Variants in SSH2 observed in about 807,000 individuals in gnomAD.
SSH2 encodes protein phosphatase Slingshot homolog 2.
Under a neutral mutation model 135.2 loss-of-function variants are expected in SSH2, and 37 were observed. That is an observed-to-expected ratio of 0.27 (90% CI 0.21 to 0.36). The LOEUF (loss-of-function observed/expected upper bound fraction) is 0.36, where lower values mean the gene tolerates loss of function less well. Among genes scored for constraint, SSH2 ranks in the 10% least tolerant of loss-of-function variants. The probability of loss-of-function intolerance (pLI) is 1.00; values close to 1 mark genes in which losing one functional copy is unlikely to be tolerated. For missense variants in SSH2, 1,408 were observed against 1,765.3 expected (o/e 0.80, Z 3.63); for synonymous variants, 628 against 646.2 (o/e 0.97, Z 0.43).
intron 3 of SSH2, among the ~76,000 whole-genome samples, chr17:29,704,704 T>TA (rs773267123): frequency 0.02 from 1,960 of 98,072 alleles, 33 homozygotes; most frequent in African/African-American, 0.044. Flanking sequence ...CTCTGTCTCT[T>TA]AAAAAAAAAA....
intron 4 of SSH2, among the ~76,000 whole-genome samples, chr17:29,701,031 C>T (rs914203544): frequency 4.0e-5 from 6 of 150,756 alleles, no homozygotes; most frequent in Non-Finnish European, 5.9e-5. Flanking sequence ...AGTGCAGTGG[C>T]GTGATCTCAG....
chr17:29,813,236 A>G (rs1057002590), intron 2 of SSH2, among the ~76,000 whole-genome samples: 11 of 151,772 alleles, frequency 7.2e-5, no homozygotes, highest in African/African-American at 2.7e-4. Context: ...TACAAAAATT[A>G]GCCGGGCGCA....
chr17:29,801,480 GA>G (rs2042250157), intron 2 of SSH2, among the ~76,000 whole-genome samples: 1 of 152,120 alleles, frequency 6.6e-6, no homozygotes, highest in Non-Finnish European at 1.5e-5. Context: ...TATCAACCTA[GA>G]AAGCCCCTCT....
chr17:29,689,859 C>A (rs1434242241), intron 5 of SSH2, among the ~76,000 whole-genome samples: 1 of 151,662 alleles, frequency 6.6e-6, no homozygotes, highest in Non-Finnish European at 1.5e-5. Context: ...ACTAAAAATA[C>A]AAAAATTAGC....
chr17:29,909,679 G>A (rs1009679436), intron 1 of SSH2, among the ~76,000 whole-genome samples: 2 of 152,148 alleles, frequency 1.3e-5, no homozygotes. Context: ...AAATATAAGA[G>A]TTAAATTATA....
intron 2 of SSH2, among the ~76,000 whole-genome samples, chr17:29,812,291 CT>C (rs200491396): frequency 7.4e-5 from 11 of 149,600 alleles, no homozygotes; most frequent in African/African-American, 2.0e-4. Context: ...ATATTTCTGC[CT>C]TTTTTTTTGA....
At chr17:29,849,856 G>GTATATATA (rs59297985) in intron 1 of SSH2, among the ~76,000 whole-genome samples, 1 of 118,130 alleles carries the variant, frequency 8.5e-6, no homozygotes, top group Non-Finnish European at 1.7e-5. Flanking sequence ...AAAAAAAAAA[G>GTATATATA]TATATATATA....
intron 1 of SSH2, among the ~76,000 whole-genome samples, chr17:29,903,746 TAATA>T (rs1265904940): frequency 6.6e-6 from 1 of 152,178 alleles, no homozygotes; most frequent in Non-Finnish European, 1.5e-5. Flanking sequence ...ATTAATTAAT[TAATA>T]TTCACCAAAT....
At position 29,631,766 on chromosome 17, in the gene SSH2, G is replaced by A; in HGVS notation, c.3428C>T (p.Pro1143Leu). Residue 1143 changes from proline to leucine, a missense_variant, in exon 16 of 16, where the codon CCT becomes CTT. Coordinates refer to ENST00000540801, the MANE Select transcript of SSH2 (RefSeq NM_001282129.2). ...TAAATGGGTTGTATGACTGACAAAA[G>A]GTGCTGCTGTCTCCAGGGCTGTGGA... Reference protein sequence around the residue: ...SLSTALETAAPFVSHTTHLLS... With the variant: ...SLSTALETAALFVSHTTHLLS... The A allele has an allele frequency of 1.9e-6, 3 of 1,614,220 alleles. No individual in the cohort carries two copies. The highest frequency in any genetic ancestry group is 2.5e-6 in the Non-Finnish European group (3 of 1,180,038).
chr17:29,675,632 A>G (rs1316618246), intron 8 of SSH2, among the ~76,000 whole-genome samples: 1 of 151,804 alleles, frequency 6.6e-6, no homozygotes. Context: ...CCGTCTCCAC[A>G]AAAAAAATTA....
At chr17:29,694,484 T>A (rs920331401) in intron 5 of SSH2, among the ~76,000 whole-genome samples, 2 of 152,078 alleles carry the variant, frequency 1.3e-5, no homozygotes, top group Admixed American at 6.6e-5. Context: ...GCCTGTCCAA[T>A]ACGGTGAAAC....
chr17:29,644,033 AC>A (rs1451174023), intron 14 of SSH2, among the ~76,000 whole-genome samples: 1 of 152,232 alleles, frequency 6.6e-6, no homozygotes, highest in Non-Finnish European at 1.5e-5. Flanking sequence ...GCTGTAGAAC[AC>A]CAGAGTCCAT....
intron 3 of SSH2, among the ~76,000 whole-genome samples, chr17:29,735,859 G>A (rs2040346612): frequency 6.6e-6 from 1 of 152,070 alleles, no homozygotes. Context: ...CACTTTGGGA[G>A]GCTGAGGCGG....
chr17:29,860,379 T>C (rs911149312), intron 1 of SSH2, among the ~76,000 whole-genome samples: 1 of 152,142 alleles, frequency 6.6e-6, no homozygotes, highest in Admixed American at 6.5e-5. Context: ...TTTTTTCATA[T>C]GATTGTTGGC....
chr17:29,838,762 C>G (rs2042988776), intron 2 of SSH2, among the ~76,000 whole-genome samples: 1 of 152,170 alleles, frequency 6.6e-6, no homozygotes, highest in Non-Finnish European at 1.5e-5. Flanking sequence ...TGGGTCTCCT[C>G]TGAGCTGTTC....
chr17:29,914,120 T>C (rs1319461238), intron 1 of SSH2, among the ~76,000 whole-genome samples: 1 of 152,148 alleles, frequency 6.6e-6, no homozygotes, highest in East Asian at 1.9e-4. Context: ...CAAGTGTATA[T>C]CTTATATCTT....
chr17:29,813,966 C>T (rs931348246), intron 2 of SSH2, among the ~76,000 whole-genome samples: 2 of 144,452 alleles, frequency 1.4e-5, no homozygotes, highest in Non-Finnish European at 3.0e-5. Context: ...CCTGTCTCTA[C>T]TAAAAATACA....
At chr17:29,748,054 TC>T (rs1363515140) in intron 3 of SSH2, among the ~76,000 whole-genome samples, 3 of 152,342 alleles carry the variant, frequency 2.0e-5, no homozygotes, top group Non-Finnish European at 2.9e-5. Context: ...TCTAGACTTA[TC>T]AAAAAGAAAT....
At chr17:29,707,409 A>G (rs1468896560) in intron 3 of SSH2, among the ~76,000 whole-genome samples, 2 of 152,248 alleles carry the variant, frequency 1.3e-5, no homozygotes, top group African/African-American at 4.8e-5. Flanking sequence ...TCAAACTCAC[A>G]TATAGTATAA....
Sources: gnomAD v4.1 joint callset for allele counts (sites outside exome capture counted in the v4.1 genomes callset) on GRCh38, gnomAD v4.1.1 for gene constraint, MANE v1.5 for transcripts, NCBI Gene and HGNC (gene_info 2026-07-23, HGNC 2026-07-21) for gene names.